LYPD6B: variants seen among roughly 807,000 people sequenced by gnomAD.
The protein encoded by LYPD6B is ly6/PLAUR domain-containing protein 6B.
In LYPD6B, 17 loss-of-function variants were observed where a neutral mutation model predicts 22.8. The observed-to-expected ratio is 0.75, with a 90% CI of 0.51 to 1.12. The LOEUF is 1.12. LYPD6B is among the 50% of genes most tolerant of loss of function. The probability of loss-of-function intolerance (pLI) is 0.00; values close to 1 mark genes in which losing one functional copy is unlikely to be tolerated. For missense variants in LYPD6B, 221 were observed against 258.3 expected (o/e 0.86, Z 0.99); for synonymous variants, 106 against 91.6 (o/e 1.16, Z -0.90).
chr2:149,091,575 A>G (rs1268711008), intron 1 of LYPD6B, among the ~76,000 whole-genome samples: 1 of 151,986 alleles, frequency 6.6e-6, no homozygotes, highest in Non-Finnish European at 1.5e-5. Context: ...AGTAATGAAC[A>G]ATACCTCTCA....
At position 149,213,053 on chromosome 2, in the gene LYPD6B, C is replaced by CA; in HGVS notation, c.395dup (p.Cys133ValfsTer6). Reference sequence around the variant, plus strand: ...GCCACGGAAGAAGCACATCCATCACCAAAAAGTGTGCCTCCAGAAGTGAAT... The same window carrying CA: ...GCCACGGAAGAAGCACATCCATCACCAAAAAAGTGTGCCTCCAGAAGTGAAT... On this transcript the variant is annotated frameshift_variant, in exon 6 of 7. Coordinates refer to ENST00000409642, the MANE Select transcript of LYPD6B (RefSeq NM_177964.5). LOFTEE classifies it high-confidence loss of function. 6.2e-7 allele frequency: 1 copy of CA among 1,613,946 alleles called. No individual in the cohort carries two copies. Among genetic ancestry groups the CA allele is most frequent in the Non-Finnish European group, 8.5e-7 (1 of 1,179,860 alleles).
chr2:149,205,214 A>G, intron 3 of LYPD6B, 39 bp from the exon 4 acceptor site: 1 of 1,569,960 alleles, frequency 6.4e-7, no homozygotes, highest in Non-Finnish European at 8.6e-7. Flanking sequence ...ACTGATGTAA[A>G]ATATAAAGAA....
intron 1 of LYPD6B, among the ~76,000 whole-genome samples, chr2:149,057,722 T>C (rs1253243811): frequency 6.6e-6 from 1 of 152,182 alleles, no homozygotes; most frequent in Non-Finnish European, 1.5e-5. Context: ...AGGCAGTCCT[T>C]TAATTCAGTG....
intron 3 of LYPD6B, among the ~76,000 whole-genome samples, chr2:149,171,743 C>T (rs1049604574): frequency 2.0e-5 from 3 of 152,078 alleles, no homozygotes; most frequent in Non-Finnish European, 2.9e-5. Context: ...AGAACATTGG[C>T]GCTATGCTGC....
intron 3 of LYPD6B, among the ~76,000 whole-genome samples, chr2:149,186,055 A>G (rs1692077481): frequency 3.3e-5 from 5 of 152,180 alleles, no homozygotes; most frequent in Non-Finnish European, 4.4e-5. Context: ...TAATAACCCT[A>G]TGGCCTCTAA....
intron 5 of LYPD6B, among the ~76,000 whole-genome samples, chr2:149,209,864 G>C (rs1284585992): frequency 6.6e-6 from 1 of 152,152 alleles, no homozygotes; most frequent in Non-Finnish European, 1.5e-5. Flanking sequence ...GTGCGCTTAT[G>C]AGTGTATGTG....
At chr2:149,149,769 A>T (rs570174053) in intron 2 of LYPD6B, among the ~76,000 whole-genome samples, 1 of 152,284 alleles carries the variant, frequency 6.6e-6, no homozygotes, top group South Asian at 2.1e-4. Context: ...GTCTATCCTC[A>T]GAAAGTATCC....
chr2:149,112,927 C>T (rs897632410), intron 1 of LYPD6B, among the ~76,000 whole-genome samples: 3 of 152,040 alleles, frequency 2.0e-5, no homozygotes, highest in African/African-American at 7.2e-5. Flanking sequence ...CAAAGAGTTC[C>T]TTTAAATAGA....
chr2:149,080,084 C>T (rs1029641329), intron 1 of LYPD6B, among the ~76,000 whole-genome samples: 2 of 152,160 alleles, frequency 1.3e-5, no homozygotes, highest in African/African-American at 2.4e-5. Context: ...AAACTGGTGG[C>T]TTAAGCAACA....
At chr2:149,165,915 G>C (rs535781990) in intron 3 of LYPD6B, among the ~76,000 whole-genome samples, 2 of 152,226 alleles carry the variant, frequency 1.3e-5, no homozygotes, top group East Asian at 3.9e-4. Context: ...ACACCCAAGT[G>C]ACCAAAAATG....
intron 3 of LYPD6B, 166 bp from the exon 4 acceptor site, chr2:149,205,087 C>G (rs1693421843): frequency 1.5e-6 from 1 of 670,724 alleles, no homozygotes; most frequent in Non-Finnish European, 2.4e-6. Flanking sequence ...CATTACTTAC[C>G]TTTCATTTGA....
chr2:149,165,292 T>G (rs1690350594), intron 3 of LYPD6B, among the ~76,000 whole-genome samples: 1 of 152,102 alleles, frequency 6.6e-6, no homozygotes, highest in Admixed American at 6.6e-5. Flanking sequence ...CCAGCCCAGA[T>G]TCAAGGGGAG....
chr2:149,162,021 TA>T (rs1473829393), intron 3 of LYPD6B, among the ~76,000 whole-genome samples: 4 of 152,128 alleles, frequency 2.6e-5, no homozygotes, highest in African/African-American at 4.8e-5. Flanking sequence ...AATCTGCTAG[TA>T]AGAAACCCAG....
intron 1 of LYPD6B, among the ~76,000 whole-genome samples, chr2:149,092,682 A>G (rs1685711401): frequency 6.6e-6 from 1 of 152,168 alleles, no homozygotes; most frequent in South Asian, 2.1e-4. Flanking sequence ...GCCTCCTTAA[A>G]GAGAGAAAAA....
intron 1 of LYPD6B, among the ~76,000 whole-genome samples, chr2:149,128,047 C>T (rs576625597): frequency 1.3e-5 from 2 of 151,798 alleles, no homozygotes; most frequent in African/African-American, 2.4e-5. Flanking sequence ...TTATTCAACT[C>T]GTTTAAAAGA....
At chr2:149,173,249 A>C (rs1477449218) in intron 3 of LYPD6B, among the ~76,000 whole-genome samples, 1 of 151,574 alleles carries the variant, frequency 6.6e-6, no homozygotes, top group African/African-American at 2.4e-5. Flanking sequence ...GCTAACTAGC[A>C]AGGTCTTGGT....
intron 1 of LYPD6B, among the ~76,000 whole-genome samples, chr2:149,120,271 A>G (rs543149418): frequency 6.9e-6 from 1 of 144,678 alleles, no homozygotes; most frequent in Non-Finnish European, 1.5e-5. Context: ...ATGTCATCTA[A>G]CTTTTAGGGA....
At chr2:149,123,660 G>A (rs1236123629) in intron 1 of LYPD6B, among the ~76,000 whole-genome samples, 1 of 152,092 alleles carries the variant, frequency 6.6e-6, no homozygotes, top group Admixed American at 6.5e-5. Context: ...TCAAGAGATC[G>A]AGACCATCCT....
chr2:149,189,215 G>T (rs1692319281), intron 3 of LYPD6B, among the ~76,000 whole-genome samples: 1 of 151,710 alleles, frequency 6.6e-6, no homozygotes, highest in Non-Finnish European at 1.5e-5. Context: ...AACCTCAAAT[G>T]TAGTCGTGGG....
Sources: gnomAD v4.1 joint callset for allele counts (sites outside exome capture counted in the v4.1 genomes callset) on GRCh38, gnomAD v4.1.1 for gene constraint, MANE v1.5 for transcripts, NCBI Gene and HGNC (gene_info 2026-07-23, HGNC 2026-07-21) for gene names.